The following SWAP70 variants were observed in gnomAD, a reference collection of about 807,000 sequenced individuals.
The protein encoded by SWAP70 is switch-associated protein 70.
SWAP70 carries 34 observed loss-of-function variants against 80.2 expected under a neutral mutation model. That is an observed-to-expected ratio of 0.42 (90% CI 0.32 to 0.56). SWAP70 has a LOEUF of 0.56. Among genes scored for constraint, SWAP70 ranks in the 20% least tolerant of loss-of-function variants. The pLI, the probability that SWAP70 is intolerant of heterozygous loss-of-function variation, is 0.09. For synonymous variants in SWAP70, 239 were observed against 238.5 expected, an observed-to-expected ratio of 1.00 and a Z score of -0.02; for missense variants, 578 against 690.7, an observed-to-expected ratio of 0.84 and a Z score of 1.83.
chr11:9,732,588 C>T lies in SWAP70; in HGVS notation c.958C>T (p.Arg320Cys), dbSNP rs753046053. Residue 320 changes from arginine (R) to cysteine (C), a missense_variant, in exon 7 of 12, where the codon CGC (arginine) becomes TGC (cysteine). Arg to Cys is a radical substitution (Grantham distance 180, BLOSUM62 -3). Coordinates refer to ENST00000318950, the MANE Select transcript of SWAP70 (RefSeq NM_015055.4). ...CAGCCCTCCACCACACAAAGAAGCCCGCCAGCGTCGGAAAGAACTCCGGAA... is the reference window on the plus strand; with the variant it reads ...CAGCCCTCCACCACACAAAGAAGCCTGCCAGCGTCGGAAAGAACTCCGGAA... ...LGSPPPHKEA[R>C]QRRKELRKKQ... is the part of the protein sequence containing the mutation. 8.9e-5 allele frequency: 143 copies of T among 1,603,238 alleles called. No individual in the cohort carries two copies. Among genetic ancestry groups the T allele is most frequent in the Non-Finnish European group, 1.1e-4 (133 of 1,173,816 alleles).
At chr11:9,720,544 T>G in intron 3 of SWAP70, 9 of 941,356 alleles carry the variant, frequency 9.6e-6, no homozygotes, top group Non-Finnish European at 1.1e-5. Context: ...CATTCGGCTC[T>G]ACCATCTTGT....
intron 9 of SWAP70, among the ~76,000 whole-genome samples, chr11:9,746,816 C>T (rs1329575744): frequency 1.5e-4 from 23 of 152,168 alleles, no homozygotes; most frequent in Non-Finnish European, 1.5e-5. Context: ...TGTGAGGCAA[C>T]GAGTGGTAGC....
chr11:9,711,058 T>A (rs978825966), intron 2 of SWAP70, among the ~76,000 whole-genome samples: 3 of 151,562 alleles, frequency 2.0e-5, no homozygotes, highest in Non-Finnish European at 4.4e-5. Context: ...ATGTATTTTT[T>A]ATTTTTATTT....
intron 1 of SWAP70, among the ~76,000 whole-genome samples, chr11:9,678,448 CT>C (rs1850526961): frequency 7.0e-6 from 1 of 142,954 alleles, no homozygotes; most frequent in Admixed American, 7.1e-5. Flanking sequence ...TTGCTAGAAA[CT>C]TTTCAGTGAG....
chr11:9,728,023 A>G, intron 4 of SWAP70, 30 bp from the exon 5 acceptor site: 4 of 1,562,506 alleles, frequency 2.6e-6, no homozygotes, highest in East Asian at 2.3e-5. Flanking sequence ...TAAAAAGACA[A>G]TAATTTATAT....
chr11:9,697,727 T>G (rs972719602), intron 2 of SWAP70, among the ~76,000 whole-genome samples: 1 of 152,260 alleles, frequency 6.6e-6, no homozygotes, highest in Admixed American at 6.5e-5. Context: ...TCCTGATCTT[T>G]CTTTGTGTGT....
chr11:9,671,416 TTATAAA>T (rs1271431074), intron 1 of SWAP70, among the ~76,000 whole-genome samples: 3 of 87,858 alleles, frequency 3.4e-5, no homozygotes, highest in African/African-American at 1.5e-4. Flanking sequence ...AAAAATATAT[TTATAAA>T]TATATATATA....
intron 1 of SWAP70, among the ~76,000 whole-genome samples, chr11:9,687,475 G>GT (rs1466042569): frequency 2.0e-5 from 3 of 151,842 alleles, no homozygotes; most frequent in Admixed American, 6.6e-5. Context: ...TGCCTTTTTT[G>GT]TTTTTTTATG....
chr11:9,664,783 G>A (rs1346890831), intron 1 of SWAP70, among the ~76,000 whole-genome samples: 1 of 152,218 alleles, frequency 6.6e-6, no homozygotes, highest in South Asian at 2.1e-4. Context: ...AGGGCAGTCC[G>A]GAGACGCAGA....
chr11:9,701,051 G>A (rs1028252428), intron 2 of SWAP70, among the ~76,000 whole-genome samples: 27 of 151,826 alleles, frequency 1.8e-4, no homozygotes, highest in East Asian at 3.9e-4. Context: ...TAATTTTTAC[G>A]GTTGGTTTTT....
At chr11:9,679,406 C>T (rs547686823) in intron 1 of SWAP70, among the ~76,000 whole-genome samples, 1 of 152,176 alleles carries the variant, frequency 6.6e-6, no homozygotes, top group Non-Finnish European at 1.5e-5. Flanking sequence ...CAGCACATCT[C>T]CATCAATTCT....
At chr11:9,746,926 C>G (rs918795419) in intron 9 of SWAP70, among the ~76,000 whole-genome samples, 2 of 152,122 alleles carry the variant, frequency 1.3e-5, no homozygotes, top group Non-Finnish European at 2.9e-5. Context: ...TACTTTATTC[C>G]TTTGTTGTTA....
intron 2 of SWAP70, 39 bp from the exon 3 acceptor site, chr11:9,713,427 C>T (rs1215321367): frequency 1.0e-5 from 16 of 1,582,802 alleles, no homozygotes; most frequent in Admixed American, 1.8e-5. Context: ...CTGCTTATAT[C>T]GGACTGATTT....
chr11:9,726,812 G>A (rs1851230949), intron 4 of SWAP70: 1 of 452,734 alleles, frequency 2.2e-6, no homozygotes, highest in Admixed American at 2.4e-5. Context: ...TTTGAGGCCA[G>A]TCTGTGGGAA....
chr11:9,690,314 G>A (rs552789619), intron 1 of SWAP70, among the ~76,000 whole-genome samples: 19 of 152,160 alleles, frequency 1.2e-4, no homozygotes, highest in East Asian at 5.8e-4. Flanking sequence ...AGGTGTAGTC[G>A]TTCACGCCTC....
chr11:9,704,420 A>C, intron 2 of SWAP70, among the ~76,000 whole-genome samples: 1 of 146,362 alleles, frequency 6.8e-6, no homozygotes, highest in South Asian at 2.1e-4. Context: ...TTTTTGAGAC[A>C]CTCTTTCTGT....
chr11:9,720,353 A>G, intron 3 of SWAP70: 12 of 985,460 alleles, frequency 1.2e-5, no homozygotes, highest in Non-Finnish European at 1.3e-5. Context: ...AAGGTTCAGG[A>G]TGAACCTGGC....
intron 3 of SWAP70, among the ~76,000 whole-genome samples, chr11:9,722,133 A>G (rs1851146244): frequency 6.6e-6 from 1 of 152,224 alleles, no homozygotes; most frequent in Admixed American, 6.5e-5. Flanking sequence ...TGGAGTACCT[A>G]CTATGTGATG....
chr11:9,725,661 T>A (rs1291174511), intron 4 of SWAP70, among the ~76,000 whole-genome samples: 1 of 144,842 alleles, frequency 6.9e-6, no homozygotes, highest in Admixed American at 7.1e-5. Flanking sequence ...AACCTCCGCC[T>A]CCCGGGTTCA....
Sources: allele counts gnomAD v4.1 joint callset (sites outside exome capture counted in the v4.1 genomes callset), GRCh38; gene constraint gnomAD v4.1.1; transcripts MANE v1.5; gene names NCBI Gene and HGNC (gene_info 2026-07-23, HGNC 2026-07-21).